The following PAG1 variants were observed in gnomAD, a reference collection of about 807,000 sequenced individuals.
PAG1 encodes phosphoprotein membrane anchor with glycosphingolipid microdomains 1.
A neutral mutation model predicts 31.7 loss-of-function variants in PAG1; 23 were observed. The ratio of observed to expected loss-of-function variants is 0.73; its 90% CI spans 0.52 to 1.03. PAG1 has a LOEUF of 1.03. Ranked by LOEUF, PAG1 falls within the 50% of genes least tolerant of loss-of-function variation. The pLI, the probability that PAG1 is intolerant of heterozygous loss-of-function variation, is 0.00. For synonymous variants in PAG1, 214 were observed against 210.3 expected (o/e 1.02, Z -0.15); for missense variants, 473 against 540.7 (o/e 0.87, Z 1.24).
At chr8:80,991,412 C>T in intron 5 of PAG1, 67 bp downstream of exon 5, 1 of 1,250,728 alleles carries the variant, frequency 8.0e-7, no homozygotes, top group South Asian at 1.2e-5. Flanking sequence ...TGGGAGCACA[C>T]TTAGATAAGT....
chr8:81,012,013 G>T (rs904560516), intron 3 of PAG1, among the ~76,000 whole-genome samples: 1 of 152,112 alleles, frequency 6.6e-6, no homozygotes, highest in Non-Finnish European at 1.5e-5. Context: ...TGTTTATTTG[G>T]CATAGGGTCC....
chr8:80,983,587 A>G (rs1181611971), intron 7 of PAG1, among the ~76,000 whole-genome samples: 1 of 152,184 alleles, frequency 6.6e-6, no homozygotes, highest in Non-Finnish European at 1.5e-5. Context: ...ATGATGGATT[A>G]CTCATTTTTA....
At chr8:81,011,085 C>T (rs558705587) in intron 3 of PAG1, among the ~76,000 whole-genome samples, 3 of 152,180 alleles carry the variant, frequency 2.0e-5, no homozygotes, top group Non-Finnish European at 4.4e-5. Context: ...TTCCTGTTAT[C>T]CTTATCTGAA....
At chr8:81,004,396 C>A (rs1258536649) in intron 3 of PAG1, among the ~76,000 whole-genome samples, 1 of 152,142 alleles carries the variant, frequency 6.6e-6, no homozygotes, top group Non-Finnish European at 1.5e-5. Context: ...GGTTTCTTGA[C>A]CAATACCTCG....
At chr8:81,041,562 G>A (rs1308359724) in intron 2 of PAG1, among the ~76,000 whole-genome samples, 1 of 152,154 alleles carries the variant, frequency 6.6e-6, no homozygotes, top group Non-Finnish European at 1.5e-5. Flanking sequence ...TGACTTTGCG[G>A]AGGAAAGCTG....
At chr8:81,037,923 T>C (rs1013008322) in intron 2 of PAG1, among the ~76,000 whole-genome samples, 1 of 152,270 alleles carries the variant, frequency 6.6e-6, no homozygotes, top group Non-Finnish European at 1.5e-5. Context: ...CTGTCATTTA[T>C]AGAGCTTTGA....
In PAG1 at chr8:80,984,815, C is replaced by G. The variant is rs200109010; in HGVS notation, c.837G>C (p.Ala279=). 2.4e-5 allele frequency: 38 copies of G among 1,614,084 alleles called. No individual in the cohort carries two copies. The East Asian group carries it at 8.2e-4, about 35-fold the overall frequency. The change falls in exon 7 of 9, where the codon GCG becomes GCC. Residue 279 remains alanine, a synonymous_variant. Transcript: ENST00000220597. ...TGGTCGTGTCTGTGGCACTCTCTTC[C>G]GCCTCTCCCCCTTCCTTCTCCTGAA... ...ENLQEKEGGE[A]EESATDTTSE...
intron 2 of PAG1, among the ~76,000 whole-genome samples, chr8:81,058,082 G>A (rs143091157): frequency 6.6e-6 from 1 of 152,148 alleles, no homozygotes; most frequent in Non-Finnish European, 1.5e-5. Flanking sequence ...GAGGAAGGGA[G>A]ATTTGAGCTG....
At chr8:81,044,313 T>C (rs146632970) in intron 2 of PAG1, among the ~76,000 whole-genome samples, 125 of 152,256 alleles carry the variant, frequency 8.2e-4, no homozygotes, top group African/African-American at 2.6e-3. Context: ...CCCATTAGGA[T>C]TGATGTCCTT....
intron 3 of PAG1, among the ~76,000 whole-genome samples, chr8:81,013,465 G>T (rs1329808876): frequency 6.6e-6 from 1 of 152,114 alleles, no homozygotes; most frequent in Non-Finnish European, 1.5e-5. Flanking sequence ...ATCCTCCAGG[G>T]CCCCTCTCTC....
chr8:81,038,118 G>C lies in PAG1; in HGVS notation c.-174-8029C>G, dbSNP rs369685205. 3.9e-5 allele frequency among the ~76,000 whole-genome samples: 6 copies of C among 152,204 alleles called. No homozygotes were observed. The East Asian group carries it at 1.2e-3, about 29-fold the overall frequency. ...CTGGGGATCACTCAAGGGGTTATGG[G>C]GTTGGAGGGTTGCTGCCCCAGCAGA... On this transcript the variant is annotated intron_variant, in intron 2 of 8. Transcript: ENST00000220597.
intron 3 of PAG1, among the ~76,000 whole-genome samples, chr8:81,023,538 A>G (rs1227429043): frequency 6.6e-6 from 1 of 151,918 alleles, no homozygotes; most frequent in South Asian, 2.1e-4. Flanking sequence ...TGCAGTATAT[A>G]TATATATATT....
chr8:81,071,679 A>G (rs1809095181), intron 1 of PAG1, among the ~76,000 whole-genome samples: 1 of 152,190 alleles, frequency 6.6e-6, no homozygotes, highest in Non-Finnish European at 1.5e-5. Flanking sequence ...TCTCTGTGCT[A>G]TATACAAGGG....
chr8:81,007,498 G>T (rs1284972982), intron 3 of PAG1, among the ~76,000 whole-genome samples: 1 of 150,276 alleles, frequency 6.7e-6, no homozygotes, highest in Admixed American at 6.6e-5. Context: ...GTAGACGGGT[G>T]TGGTGGCGGG....
At chr8:81,104,072 T>TC (rs201840581) in intron 1 of PAG1, among the ~76,000 whole-genome samples, 1 of 147,842 alleles carries the variant, frequency 6.8e-6, no homozygotes, top group African/African-American at 2.6e-5. Flanking sequence ...TTTTATTTCT[T>TC]CCCCCCATCC....
intron 1 of PAG1, among the ~76,000 whole-genome samples, chr8:81,085,643 G>C (rs1426785250): frequency 1.3e-5 from 2 of 152,198 alleles, no homozygotes; most frequent in South Asian, 2.1e-4. Context: ...ATAGGATTTT[G>C]TGAGGACTTA....
At chr8:81,026,916 C>T (rs545712680) in intron 3 of PAG1, among the ~76,000 whole-genome samples, 1 of 152,230 alleles carries the variant, frequency 6.6e-6, no homozygotes, top group South Asian at 2.1e-4. Context: ...AAAAAATGTA[C>T]CAAATGGAAA....
In PAG1 at chr8:81,077,200, T is replaced by C. The variant is rs73694069; in HGVS notation, c.-233-7030A>G. ...TCTACTGAGTCAGAATCTGCACATT[T>C]AACAGGATGTACATTAAAGTCTAAG... On this transcript the variant is annotated intron_variant, in intron 1 of 8. Coordinates refer to ENST00000220597, the MANE Select transcript of PAG1 (RefSeq NM_018440.4). Among the ~76,000 whole-genome samples, 801 of 152,318 alleles carry C rather than the reference T, an allele frequency of 5.3e-3. 6 individuals carry two copies. Among genetic ancestry groups the C allele is most frequent in the African/African-American group, 0.018 (765 of 41,576 alleles).
intron 2 of PAG1, among the ~76,000 whole-genome samples, chr8:81,050,369 A>T (rs1383645065): frequency 6.6e-6 from 1 of 152,060 alleles, no homozygotes; most frequent in Non-Finnish European, 1.5e-5. Context: ...AGATTTAAAC[A>T]TTCACAGGAA....
Sources: gnomAD v4.1 joint callset for allele counts (sites outside exome capture counted in the v4.1 genomes callset) on GRCh38, gnomAD v4.1.1 for gene constraint, MANE v1.5 for transcripts, NCBI Gene and HGNC (gene_info 2026-07-23, HGNC 2026-07-21) for gene names.